Variants in MEI4 observed in about 807,000 individuals in gnomAD.
The protein encoded by MEI4 is meiotic double-stranded break formation protein 4, also known as meiosis-specific protein MEI4.
In MEI4, 27 loss-of-function variants were observed where a neutral mutation model predicts 31.4. That is an observed-to-expected ratio of 0.86 (90% CI 0.63 to 1.19). The LOEUF (loss-of-function observed/expected upper bound fraction) is 1.19. Ranked by LOEUF, MEI4 falls within the 50% of genes most tolerant of loss-of-function variation. The pLI is 0.00. For synonymous variants in MEI4, 122 were observed against 145.4 expected (o/e 0.84, Z 1.16); for missense variants, 329 against 398.9 (o/e 0.82, Z 1.49).
chr6:77,899,640 A>G (rs1766149097), intron 4 of MEI4, among the ~76,000 whole-genome samples: 1 of 152,120 alleles, frequency 6.6e-6, no homozygotes, highest in African/African-American at 2.4e-5. Flanking sequence ...GGTGTGGATA[A>G]GTCCAGCTTG....
At chr6:77,671,672 T>C (rs951752944) in intron 1 of MEI4, among the ~76,000 whole-genome samples, 2 of 149,856 alleles carry the variant, frequency 1.3e-5, no homozygotes, top group South Asian at 4.3e-4. Flanking sequence ...TGATTGACAG[T>C]GTATCTATAA....
At chr6:77,800,832 G>A (rs1478278239) in intron 3 of MEI4, among the ~76,000 whole-genome samples, 1 of 152,056 alleles carries the variant, frequency 6.6e-6, no homozygotes, top group Non-Finnish European at 1.5e-5. Flanking sequence ...TTGTATCCCA[G>A]GGATGAAGCC....
chr6:77,798,746 G>T (rs1025549940), intron 3 of MEI4, among the ~76,000 whole-genome samples: 2 of 148,912 alleles, frequency 1.3e-5, no homozygotes, highest in Non-Finnish European at 3.0e-5. Flanking sequence ...TGCGGTGTTT[G>T]GTTTTTTGTT....
intron 4 of MEI4, among the ~76,000 whole-genome samples, chr6:77,891,036 T>G (rs1771753882): frequency 6.6e-6 from 1 of 152,222 alleles, no homozygotes; most frequent in Admixed American, 6.5e-5. Flanking sequence ...GAAAATGAGC[T>G]AATACAGATA....
At chr6:77,894,273 T>G (rs1003068077) in intron 4 of MEI4, among the ~76,000 whole-genome samples, 1 of 152,128 alleles carries the variant, frequency 6.6e-6, no homozygotes, top group African/African-American at 2.4e-5. Flanking sequence ...TAAAAAGTAA[T>G]TTATCAAAAT....
intron 2 of MEI4, among the ~76,000 whole-genome samples, chr6:77,735,471 G>A (rs571038059): frequency 6.6e-6 from 1 of 152,104 alleles, no homozygotes; most frequent in African/African-American, 2.4e-5. Context: ...TCGAGCCTTG[G>A]TTTTCAGCTT....
upstream of MEI4, among the ~76,000 whole-genome samples, chr6:77,652,102 AG>A (rs780328832): frequency 1.2e-4 from 19 of 152,196 alleles, no homozygotes; most frequent in Non-Finnish European, 2.1e-4. Flanking sequence ...ATTATAACAA[AG>A]CTAGCTAAAT....
At chr6:77,687,626 A>G (rs1271720950) in intron 1 of MEI4, among the ~76,000 whole-genome samples, 6 of 152,070 alleles carry the variant, frequency 3.9e-5, no homozygotes, top group Non-Finnish European at 5.9e-5. Flanking sequence ...AGGTTCTCAC[A>G]ACCCTTCTAG....
At chr6:77,809,160 C>A (rs1040537746) in intron 3 of MEI4, among the ~76,000 whole-genome samples, 4 of 152,148 alleles carry the variant, frequency 2.6e-5, no homozygotes, top group African/African-American at 9.7e-5. Flanking sequence ...AATTATTGAA[C>A]ATCTACATTG....
chr6:77,890,385 C>T (rs142398995), intron 4 of MEI4, among the ~76,000 whole-genome samples: 340 of 152,274 alleles, frequency 2.2e-3, no homozygotes, highest in African/African-American at 7.4e-3. Context: ...TATTGGATTT[C>T]GGATTTGCAT....
intron 4 of MEI4, among the ~76,000 whole-genome samples, chr6:77,901,598 A>G (rs1220565157): frequency 1.3e-5 from 2 of 152,046 alleles, no homozygotes; most frequent in Admixed American, 1.3e-4. Flanking sequence ...ACTTTCTTAT[A>G]TATTTTTAAT....
In MEI4 at chr6:77,807,063, C is replaced by T. The variant is rs527549601; in HGVS notation, c.769-21868C>T. 6.5e-4 allele frequency among the ~76,000 whole-genome samples: 99 copies of T among 151,164 alleles called. 1 individual carries two copies. The highest frequency in any genetic ancestry group is 1.2e-3 in the Non-Finnish European group (84 of 67,846). Reference sequence around the variant, plus strand: ...GAAAATGGTCTGATCAGATTTATGACTTAGAAAACTAGCTTTGGCAGCCCT... The same window carrying T: ...GAAAATGGTCTGATCAGATTTATGATTTAGAAAACTAGCTTTGGCAGCCCT... On this transcript the variant is annotated intron_variant, in intron 3 of 4. Coordinates refer to ENST00000684080, the MANE Select transcript of MEI4 (RefSeq NM_001322247.2).
At chr6:77,716,129 A>G (rs1213843820) in intron 2 of MEI4, among the ~76,000 whole-genome samples, 1 of 152,216 alleles carries the variant, frequency 6.6e-6, no homozygotes, top group Admixed American at 6.5e-5. Flanking sequence ...CAGATATGGC[A>G]CTTTCTCTTT....
chr6:77,727,347 A>G (rs186968221), intron 2 of MEI4, among the ~76,000 whole-genome samples: 19 of 152,328 alleles, frequency 1.2e-4, no homozygotes, highest in Non-Finnish European at 2.5e-4. Context: ...AGAAGTGAAG[A>G]TTAAAGGGGA....
intron 4 of MEI4, among the ~76,000 whole-genome samples, chr6:77,878,005 T>C (rs1771385537): frequency 6.6e-6 from 1 of 152,052 alleles, no homozygotes; most frequent in South Asian, 2.1e-4. Context: ...ATTTAATGAT[T>C]CTCAGTCTTT....
At chr6:77,776,651 G>T (rs1467343552) in intron 3 of MEI4, among the ~76,000 whole-genome samples, 1 of 152,104 alleles carries the variant, frequency 6.6e-6, no homozygotes, top group African/African-American at 2.4e-5. Context: ...AAAACCTAGA[G>T]AATCAAAGTA....
chr6:77,852,274 A>T lies in MEI4; in HGVS notation c.900+23212A>T, dbSNP rs186516367. Among the ~76,000 whole-genome samples the T allele has an allele frequency of 5.1e-3, 774 of 152,302 alleles. 4 individuals are homozygous for T. Among genetic ancestry groups the T allele is most frequent in the Non-Finnish European group, 6.3e-3 (426 of 68,018 alleles). ...CTTTGAAAATAAAAATGCATGAATAAAATAACTTTCTTCAAGTGATGCTGC... is the reference window on the plus strand; with the variant it reads ...CTTTGAAAATAAAAATGCATGAATATAATAACTTTCTTCAAGTGATGCTGC... On this transcript the variant is annotated intron_variant, in intron 4 of 4. Coordinates refer to ENST00000684080, the MANE Select transcript of MEI4 (RefSeq NM_001322247.2).
chr6:77,761,178 G>C lies in MEI4; in HGVS notation c.281G>C (p.Ser94Thr). Reference protein sequence around the residue: ...LEAQEPKSSESTLTSMEDSGC... With the variant: ...LEAQEPKSSETTLTSMEDSGC... ...GCTCAGGAACCTAAGAGTTCTGAAA[G>C]TACATTAACTTCGATGGAAGATTCT... Residue 94 changes from serine to threonine, a missense_variant, in exon 3 of 5, where the codon AGT (serine) becomes ACT (threonine). Transcript: ENST00000684080. 2 of 1,232,138 alleles carry C rather than the reference G, an allele frequency of 1.6e-6. No individual in the cohort carries two copies. The highest frequency in any genetic ancestry group is 2.0e-6 in the Non-Finnish European group (2 of 987,938). 76.3% of individuals were successfully genotyped at this position (1,232,138 alleles called of 1,614,324 possible). A position where few individuals can be genotyped will look rare whatever the true frequency, so the allele number is the denominator to read the frequency against.
At chr6:77,671,547 G>A (rs1410071367) in intron 1 of MEI4, among the ~76,000 whole-genome samples, 1 of 152,080 alleles carries the variant, frequency 6.6e-6, no homozygotes, top group Non-Finnish European at 1.5e-5. Context: ...TATGTCTCAA[G>A]GTCACAGTTT....
Sources: allele counts gnomAD v4.1 joint callset (sites outside exome capture counted in the v4.1 genomes callset), GRCh38; gene constraint gnomAD v4.1.1; transcripts MANE v1.5; gene names NCBI Gene and HGNC (gene_info 2026-07-23, HGNC 2026-07-21).